The following TMEM30A variants were observed in gnomAD, a reference collection of about 807,000 sequenced individuals.
The protein encoded by TMEM30A is cell cycle control protein 50A.
A neutral mutation model predicts 38.2 loss-of-function variants in TMEM30A; 24 were observed. That is an observed-to-expected ratio of 0.63 (90% CI 0.46 to 0.88). The LOEUF (loss-of-function observed/expected upper bound fraction) is 0.88. Among genes scored for constraint, TMEM30A ranks in the 40% least tolerant of loss-of-function variants. The pLI is 0.00. For synonymous variants in TMEM30A, 145 were observed against 161.6 expected (o/e 0.90, Z 0.78); for missense variants, 370 against 458.6 (o/e 0.81, Z 1.77).
rs761488639 is a variant in TMEM30A, at chr6:75,284,577, C to T, written c.62G>A (p.Gly21Asp). 5 of 1,612,822 alleles carry T rather than the reference C, an allele frequency of 3.1e-6. No homozygotes were observed. The highest frequency in any genetic ancestry group is 3.3e-5 in the Admixed American group (2 of 59,838). Reference protein sequence around the residue: ...VDGGPPCAPGGTAKTRRPDNT... With the variant: ...VDGGPPCAPGDTAKTRRPDNT... The stretch of plus-strand genomic sequence containing the variant: ...ATCCGGTCTCCGAGTCTTCGCGGTG[C>T]CCCCCGGAGCACACGGGGGCCCACC... Residue 21 changes from glycine to aspartate, a missense_variant, in exon 1 of 7, where the codon GGC (glycine) becomes GAC (aspartate). By Grantham distance (94) the Gly-to-Asp change is moderately conservative. Coordinates refer to ENST00000230461, the MANE Select transcript of TMEM30A (RefSeq NM_018247.4).
Position 75,253,564 on chromosome 6 carries a change from A to G in TMEM30A, c.*2538T>C, listed in dbSNP as rs1771817939. 1 of 152,640 alleles carries G rather than the reference A, an allele frequency of 6.6e-6. No homozygotes were observed. Among genetic ancestry groups the G allele is most frequent in the South Asian group, 2.1e-4 (1 of 4,832 alleles). The allele number at this position is 152,640 out of a possible 1,614,324, so 9.5% of individuals were successfully genotyped here. A position where few individuals can be genotyped will look rare whatever the true frequency, so the allele number is the denominator to read the frequency against. ...TAAAATTTAGTGCTAAATGTAAGCAACAACACTGGAGCATTGTTATTTTAT... is the reference window on the plus strand; with the variant it reads ...TAAAATTTAGTGCTAAATGTAAGCAGCAACACTGGAGCATTGTTATTTTAT... On this transcript the variant is annotated 3_prime_UTR_variant, in exon 7 of 7. Coordinates refer to ENST00000230461, the MANE Select transcript of TMEM30A (RefSeq NM_018247.4).
At position 75,256,211 on chromosome 6, in the gene TMEM30A, C is replaced by A. The variant is rs762193213; in HGVS notation, c.977G>T (p.Gly326Val). The A allele has an allele frequency of 1.2e-6, 2 of 1,613,456 alleles. No homozygotes were observed. The highest frequency in any genetic ancestry group is 1.7e-6 in the Non-Finnish European group (2 of 1,179,586). ...SWMGGKNPFL[G>V]IAYIAVGSIS... ...GGATCCAACAGCGATGTAAGCAATC[C>A]CCAAAAATGGATTTTTTCCTCCCAT... The change falls in exon 7 of 7, where the codon GGG (glycine) becomes GTG (valine). Residue 326 changes from glycine (G) to valine (V), a missense_variant. Physicochemically the swap from Gly to Val is moderately radical, Grantham distance 109. Coordinates refer to ENST00000230461, the MANE Select transcript of TMEM30A (RefSeq NM_018247.4).
rs573065633 is a variant in TMEM30A, at chr6:75,255,426, C to T, written c.*676G>A. On this transcript the variant is annotated 3_prime_UTR_variant, in exon 7 of 7. Transcript: ENST00000230461. ...TTCCTGACTGCAACATTCAACCAAA[C>T]GGAAAGAGGAATTTTTTAATTCTCC... is the stretch of plus-strand genomic sequence containing the variant. The T allele has an allele frequency of 2.0e-5, 3 of 152,418 alleles. No homozygotes were observed. The highest frequency in any genetic ancestry group is 4.1e-4 in the South Asian group (2 of 4,824). The allele number at this position is 152,418 out of a possible 1,614,324, so 9.4% of individuals were successfully genotyped here. A position where few individuals can be genotyped will look rare whatever the true frequency, so the allele number is the denominator to read the frequency against.
chr6:75,277,346 C>CCTTGTTAAG (rs1772280101), intron 1 of TMEM30A, among the ~76,000 whole-genome samples: 1 of 151,522 alleles, frequency 6.6e-6, no homozygotes, highest in Non-Finnish European at 1.5e-5. Context: ...ATAATGTTAC[C>CCTTGTTAAG]CTTGTTAAGT....
chr6:75,258,080 C>A (rs985463827), intron 6 of TMEM30A, among the ~76,000 whole-genome samples: 1 of 152,128 alleles, frequency 6.6e-6, no homozygotes, highest in African/African-American at 2.4e-5. Flanking sequence ...AAAATTATGG[C>A]CTTTGGAGTC....
At chr6:75,275,797 T>C (rs1772250739) in intron 1 of TMEM30A, among the ~76,000 whole-genome samples, 1 of 152,218 alleles carries the variant, frequency 6.6e-6, no homozygotes, top group South Asian at 2.1e-4. Context: ...ATTTAATCTT[T>C]GCTCCCAGTT....
At position 75,276,849 on chromosome 6, in the gene TMEM30A, A is replaced by T. The variant is rs962176539; in HGVS notation, c.237+7553T>A. On this transcript the variant is annotated intron_variant, in intron 1 of 6. Coordinates refer to ENST00000230461, the MANE Select transcript of TMEM30A (RefSeq NM_018247.4). Reference sequence around the variant, plus strand: ...CATCTTCTACCATTCTTCCCCCTCTACTTCAGCCATATTGGCCTCTTTGTT... The same window carrying T: ...CATCTTCTACCATTCTTCCCCCTCTTCTTCAGCCATATTGGCCTCTTTGTT... Among the ~76,000 whole-genome samples, 6 of 152,050 alleles carry T rather than the reference A, an allele frequency of 3.9e-5. No homozygotes were observed. In the Middle Eastern group the frequency reaches 0.01, roughly 259 times the overall value.
At chr6:75,269,201 T>C (rs1365042368) in intron 1 of TMEM30A, among the ~76,000 whole-genome samples, 1 of 152,124 alleles carries the variant, frequency 6.6e-6, no homozygotes, top group South Asian at 2.1e-4. Context: ...GGGTTCACAC[T>C]TGGTGTATAT....
chr6:75,276,419 G>A (rs949243160), intron 1 of TMEM30A, among the ~76,000 whole-genome samples: 1 of 152,150 alleles, frequency 6.6e-6, no homozygotes, highest in African/African-American at 2.4e-5. Flanking sequence ...CAGTCTTGTG[G>A]GACTGAGCCC....
At chr6:75,272,579 G>A (rs1002554877) in intron 1 of TMEM30A, 3 of 152,228 alleles carry the variant, frequency 2.0e-5, no homozygotes, top group Non-Finnish European at 4.4e-5. Context: ...ATGCATAAGG[G>A]ATAAATATGT....
intron 1 of TMEM30A, among the ~76,000 whole-genome samples, chr6:75,274,142 T>C (rs915781401): frequency 9.9e-5 from 15 of 152,210 alleles, no homozygotes; most frequent in African/African-American, 3.1e-4. Flanking sequence ...CAAGGAAGAC[T>C]TTCCATGTTA....
intron 1 of TMEM30A, among the ~76,000 whole-genome samples, chr6:75,275,290 T>C (rs1772241602): frequency 6.6e-6 from 1 of 152,158 alleles, no homozygotes; most frequent in Admixed American, 6.5e-5. Flanking sequence ...ATACACCATC[T>C]ATGCTAATTA....
intron 1 of TMEM30A, among the ~76,000 whole-genome samples, chr6:75,283,420 T>A (rs963902988): frequency 9.9e-5 from 15 of 151,772 alleles, no homozygotes; most frequent in Non-Finnish European, 2.1e-4. Context: ...AATTCTCAGA[T>A]ATGCAAGAAA....
chr6:75,271,309 A>T (rs1401804559), intron 1 of TMEM30A, among the ~76,000 whole-genome samples: 1 of 152,192 alleles, frequency 6.6e-6, no homozygotes, highest in African/African-American at 2.4e-5. Flanking sequence ...ATTATGCTAC[A>T]GTATAAAATA....
intron 1 of TMEM30A, among the ~76,000 whole-genome samples, chr6:75,282,881 G>T (rs1772381994): frequency 1.3e-5 from 2 of 152,146 alleles, no homozygotes; most frequent in Admixed American, 1.3e-4. Context: ...AGCTGAGCTG[G>T]AATTTAAAAC....
chr6:75,256,349 A>T, intron 6 of TMEM30A, 54 bp from the exon 7 acceptor site: 3 of 1,480,702 alleles, frequency 2.0e-6, no homozygotes, highest in Non-Finnish European at 2.8e-6. Flanking sequence ...TGTTTAAAAT[A>T]CAATTTTAAA....
rs144446809 is a variant in TMEM30A, at chr6:75,279,123, G to T, written c.237+5279C>A. Reference sequence around the variant, plus strand: ...TCCTCTGCTCCAAAAAGGTGTGTGGGGGGGTGGGCAGGGAGGGAAGTCCTG... The same window carrying T: ...TCCTCTGCTCCAAAAAGGTGTGTGGTGGGGTGGGCAGGGAGGGAAGTCCTG... On this transcript the variant is annotated intron_variant, in intron 1 of 6. Coordinates refer to ENST00000230461, the MANE Select transcript of TMEM30A (RefSeq NM_018247.4). Among the ~76,000 whole-genome samples the T allele has an allele frequency of 7.9e-3, 1,201 of 152,174 alleles. 6 individuals carry two copies. Among genetic ancestry groups the T allele is most frequent in the Non-Finnish European group, 0.011 (769 of 68,010 alleles).
At position 75,279,579 on chromosome 6, in the gene TMEM30A, G is replaced by A. The variant is rs542197271; in HGVS notation, c.237+4823C>T. Reference sequence around the variant, plus strand: ...AACTACAATGATAGTCTGGAGACTTGCCCATTAGCTAAAATCCAAGACAAA... The same window carrying A: ...AACTACAATGATAGTCTGGAGACTTACCCATTAGCTAAAATCCAAGACAAA... On this transcript the variant is annotated intron_variant, in intron 1 of 6. Coordinates refer to ENST00000230461, the MANE Select transcript of TMEM30A (RefSeq NM_018247.4). Among the ~76,000 whole-genome samples the A allele has an allele frequency of 1.1e-3, 171 of 152,298 alleles. 1 individual carries two copies. Among genetic ancestry groups the A allele is most frequent in the African/African-American group, 3.5e-3 (146 of 41,566 alleles).
rs1582272420 is a variant in TMEM30A, at chr6:75,255,911, T to TG, written c.*190_*191insC. On this transcript the variant is annotated 3_prime_UTR_variant, in exon 7 of 7. Transcript: ENST00000230461. Reference sequence around the variant, plus strand: ...TGTTGATATGATCAATATAGCTAATTTTTTTATACCCGTCATATATTTTTA... The same window carrying TG: ...TGTTGATATGATCAATATAGCTAATTGTTTTTATACCCGTCATATATTTTTA... The TG allele has an allele frequency of 4.0e-6, 2 of 500,094 alleles. No homozygotes were observed. The highest frequency in any genetic ancestry group is 6.2e-5 in the East Asian group (2 of 32,168). The allele number at this position is 500,094 out of a possible 1,614,324, so 31.0% of individuals were successfully genotyped here.
Sources: gnomAD v4.1 joint callset for allele counts (sites outside exome capture counted in the v4.1 genomes callset) on GRCh38, gnomAD v4.1.1 for gene constraint, MANE v1.5 for transcripts, NCBI Gene and HGNC (gene_info 2026-07-23, HGNC 2026-07-21) for gene names.